Variants in MYO1H observed in about 807,000 individuals in gnomAD.
MYO1H encodes the protein unconventional myosin-Ih.
Under a neutral mutation model 149.3 loss-of-function variants are expected in MYO1H, and 118 were observed. The ratio of observed to expected loss-of-function variants is 0.79; its 90% CI spans 0.68 to 0.92. The LOEUF is 0.92. MYO1H is among the 40% of genes least tolerant of loss of function. The pLI is 0.00. For missense variants in MYO1H, 1,212 were observed against 1,280.7 expected, an observed-to-expected ratio of 0.95 and a Z score of 0.82; for synonymous variants, 447 against 465.2, an observed-to-expected ratio of 0.96 and a Z score of 0.50.
chr12:109,438,514 T>G, intron 22 of MYO1H, 22 bp from the exon 23 acceptor site: 1 of 1,597,190 alleles, frequency 6.3e-7, no homozygotes. Flanking sequence ...CACCTTCTAA[T>G]GCCAGCAGTG....
intron 3 of MYO1H, among the ~76,000 whole-genome samples, chr12:109,395,890 TGTTG>T (rs1869874700): frequency 6.9e-6 from 1 of 144,738 alleles, no homozygotes; most frequent in African/African-American, 2.5e-5. Context: ...TTTTGTTTTT[TGTTG>T]GTTTGTTTTG....
At chr12:109,409,083 G>A (rs982917125) in intron 10 of MYO1H, among the ~76,000 whole-genome samples, 2 of 152,028 alleles carry the variant, frequency 1.3e-5, no homozygotes, top group African/African-American at 2.4e-5. Flanking sequence ...GAGCCACCAC[G>A]CCTGGCCTGA....
At chr12:109,443,781 T>C (rs1486086013) in intron 28 of MYO1H, 132 bp downstream of exon 28, 7 of 912,406 alleles carry the variant, frequency 7.7e-6, no homozygotes, top group Non-Finnish European at 1.2e-5. Context: ...TGCACACCTG[T>C]AGTCTCAGCT....
intron 14 of MYO1H, among the ~76,000 whole-genome samples, chr12:109,415,186 C>G (rs955618213): frequency 6.6e-6 from 1 of 152,098 alleles, no homozygotes; most frequent in Admixed American, 6.6e-5. Flanking sequence ...GTAGAAAGTT[C>G]AACTCATGGG....
At chr12:109,371,952 C>T (rs886181400) in intron 1 of MYO1H, among the ~76,000 whole-genome samples, 2 of 152,030 alleles carry the variant, frequency 1.3e-5, no homozygotes, top group Admixed American at 6.6e-5. Context: ...GTTGTATTTT[C>T]TGTGAATTGT....
At chr12:109,374,486 A>G (rs1195604518) in intron 1 of MYO1H, among the ~76,000 whole-genome samples, 3 of 152,236 alleles carry the variant, frequency 2.0e-5, no homozygotes, top group African/African-American at 4.8e-5. Context: ...TGGTATGACT[A>G]TACCACTGTG....
At chr12:109,431,435 A>C (rs1229316541) in intron 19 of MYO1H, among the ~76,000 whole-genome samples, 1 of 152,144 alleles carries the variant, frequency 6.6e-6, no homozygotes, top group Admixed American at 6.6e-5. Flanking sequence ...GCATATTGGG[A>C]ACACCACTGC....
At chr12:109,388,889 C>A (rs749787243) in intron 2 of MYO1H, 45 bp downstream of exon 2, 2 of 1,553,834 alleles carry the variant, frequency 1.3e-6, no homozygotes, top group African/African-American at 2.7e-5. Context: ...GTGGTTGTTC[C>A]CTTCTTGCCT....
rs912951645 is a variant in MYO1H, at chr12:109,447,454, T to C, written c.*272T>C. On this transcript the variant is annotated 3_prime_UTR_variant, in exon 32 of 32. Transcript: ENST00000310903. ...TTCTAAACACCCTCGACAGGATCTA[T>C]GTTCAGTGCGCAGTCCAACGTGTCA... The C allele has an allele frequency of 1.3e-4, 73 of 573,906 alleles. No homozygotes were observed. In the Middle Eastern group the frequency reaches 1.9e-3, roughly 15 times the overall value. 35.6% of individuals were successfully genotyped at this position (573,906 alleles called of 1,614,324 possible).
chr12:109,421,729 G>C (rs1019603573), intron 16 of MYO1H, among the ~76,000 whole-genome samples: 5 of 152,124 alleles, frequency 3.3e-5, no homozygotes, highest in Non-Finnish European at 5.9e-5. Flanking sequence ...ATCATGAGGT[G>C]GGGGCTGGAG....
intron 1 of MYO1H, among the ~76,000 whole-genome samples, chr12:109,384,927 C>T (rs1869271026): frequency 6.6e-6 from 1 of 152,196 alleles, no homozygotes; most frequent in African/African-American, 2.4e-5. Flanking sequence ...AATAGAGGCT[C>T]ATTGACTCCT....
intron 26 of MYO1H, 40 bp from the exon 27 acceptor site, chr12:109,442,177 A>T: frequency 6.4e-7 from 1 of 1,569,966 alleles, no homozygotes; most frequent in Non-Finnish European, 8.8e-7. Flanking sequence ...CAGGATTGGT[A>T]CTTTAGTGAT....
the MYO1H span, among the ~76,000 whole-genome samples, chr12:109,330,976 C>T: frequency 1.3e-5 from 2 of 152,120 alleles, no homozygotes; most frequent in South Asian, 4.1e-4. Context: ...TATGATAATA[C>T]GCAGCAATTT....
At chr12:109,324,260 G>A in the MYO1H span, among the ~76,000 whole-genome samples, 2 of 152,206 alleles carry the variant, frequency 1.3e-5, no homozygotes, top group African/African-American at 4.8e-5. Context: ...GCCTCAGGGG[G>A]CCACATGCTG....
intron 23 of MYO1H, among the ~76,000 whole-genome samples, chr12:109,438,869 T>C (rs1487872929): frequency 6.6e-6 from 1 of 152,230 alleles, no homozygotes; most frequent in African/African-American, 2.4e-5. Flanking sequence ...TGCCTTCTGA[T>C]GCCAGGCAGG....
chr12:109,368,640 T>A (rs1444560283), intron 1 of MYO1H, among the ~76,000 whole-genome samples: 1 of 113,204 alleles, frequency 8.8e-6, no homozygotes, highest in South Asian at 3.2e-4. Flanking sequence ...GACTCCATCT[T>A]AAAAAAAAAA....
rs1491439990 is a variant in MYO1H at position 109,443,103 on chromosome 12, C to CGTATGTGTGTATGTGTGTAT, written c.2689-407_2689-406insGTGTGTATGTGTGTATGTAT. On this transcript the variant is annotated intron_variant, in intron 27 of 31. Coordinates refer to ENST00000310903, the Ensembl canonical transcript of MYO1H. The stretch of plus-strand genomic sequence containing the variant: ...GTACGTATGTGTGTATATATGTGTA[C>CGTATGTGTGTATGTGTGTAT]GTATATGTGTGTATATGTGTACGTA... Among the ~76,000 whole-genome samples, 12 of 64,388 alleles carry CGTATGTGTGTATGTGTGTAT rather than the reference C, an allele frequency of 1.9e-4. 6 individuals carry two copies. Among genetic ancestry groups the CGTATGTGTGTATGTGTGTAT allele is most frequent in the East Asian group, 7.5e-4 (2 of 2,656 alleles). 42.2% of individuals were successfully genotyped at this position (64,388 alleles called of 152,430 possible). A position where few individuals can be genotyped will look rare whatever the true frequency, so the allele number is the denominator to read the frequency against.
chr12:109,405,119 G>A (rs1158199334), intron 7 of MYO1H, among the ~76,000 whole-genome samples: 7 of 151,534 alleles, frequency 4.6e-5, no homozygotes, highest in South Asian at 2.1e-4. Context: ...AGGCTGATGC[G>A]GGAGGATCGC....
intron 1 of MYO1H, among the ~76,000 whole-genome samples, chr12:109,366,403 G>C (rs1388643856): frequency 6.6e-6 from 1 of 152,186 alleles, no homozygotes. Context: ...TATTCAAGGT[G>C]GGGGCAGGCT....
Sources: allele counts gnomAD v4.1 joint callset (sites outside exome capture counted in the v4.1 genomes callset), GRCh38; gene constraint gnomAD v4.1.1; transcripts MANE v1.5; gene names NCBI Gene and HGNC (gene_info 2026-07-23, HGNC 2026-07-21).